BCAS3: variants seen among roughly 807,000 people sequenced by gnomAD.
The protein encoded by BCAS3 is BCAS3 microtubule associated cell migration factor.
Under a neutral mutation model 116.1 loss-of-function variants are expected in BCAS3, and 53 were observed. The ratio of observed to expected loss-of-function variants is 0.46; its 90% confidence interval spans 0.37 to 0.57. The LOEUF (loss-of-function observed/expected upper bound fraction) is 0.57, where lower values mean the gene tolerates loss of function less well. Among genes scored for constraint, BCAS3 ranks in the 20% least tolerant of loss-of-function variants. The pLI, the probability that BCAS3 is intolerant of heterozygous loss-of-function variation, is 0.00. For synonymous variants in BCAS3, 391 were observed against 408.2 expected (o/e 0.96, Z 0.51); for missense variants, 917 against 1,165.4 (o/e 0.79, Z 3.10).
intron 22 of BCAS3, among the ~76,000 whole-genome samples, chr17:61,268,915 T>A (rs558105021): frequency 1.1e-4 from 16 of 152,234 alleles, no homozygotes; most frequent in African/African-American, 3.8e-4. Flanking sequence ...TCAAGAGTCA[T>A]CCATGTTGTA....
At chr17:61,230,365 G>T (rs1237093483) in intron 22 of BCAS3, among the ~76,000 whole-genome samples, 2 of 151,972 alleles carry the variant, frequency 1.3e-5, no homozygotes, top group African/African-American at 4.8e-5. Context: ...TTAGATACGG[G>T]GGCACATGTG....
At chr17:61,266,965 A>G (rs986964454) in intron 22 of BCAS3, among the ~76,000 whole-genome samples, 1 of 152,202 alleles carries the variant, frequency 6.6e-6, no homozygotes, top group Non-Finnish European at 1.5e-5. Context: ...GGTACCCTCC[A>G]TACTTTCTTT....
chr17:60,975,249 C>T (rs1340485312), intron 14 of BCAS3, among the ~76,000 whole-genome samples: 4 of 152,078 alleles, frequency 2.6e-5, no homozygotes, highest in Non-Finnish European at 5.9e-5. Flanking sequence ...GATCCACCCG[C>T]CTCGGCCTCC....
chr17:61,365,011 C>T lies in BCAS3; in HGVS notation c.2426-3316C>T, dbSNP rs2058652070. ...TATACATGAACACACCTATTACATA[C>T]AGAACACTCACTGTGTGTCAGGTCT... On this transcript the variant is annotated intron_variant, in intron 22 of 23. Transcript: ENST00000407086. The surrounding 1 kb of genome is among the most constrained non-coding windows in gnomAD (Gnocchi z 4.6). 6.6e-6 allele frequency among the ~76,000 whole-genome samples: 1 copy of T among 152,208 alleles called. No homozygotes were observed. Among genetic ancestry groups the T allele is most frequent in the African/African-American group, 2.4e-5 (1 of 41,450 alleles).
At chr17:61,016,193 G>A (rs1568128185) in intron 16 of BCAS3, among the ~76,000 whole-genome samples, 1 of 152,176 alleles carries the variant, frequency 6.6e-6, no homozygotes, top group African/African-American at 2.4e-5. Flanking sequence ...ACTGCCTTGT[G>A]GCTTTGCCTG....
intron 15 of BCAS3, among the ~76,000 whole-genome samples, chr17:60,996,770 C>G (rs1003213575): frequency 9.9e-5 from 15 of 152,020 alleles, no homozygotes; most frequent in Non-Finnish European, 7.4e-5. Flanking sequence ...AGGACTGAGC[C>G]CTGGGGCCCT....
intron 22 of BCAS3, among the ~76,000 whole-genome samples, chr17:61,231,670 A>G (rs1390789006): frequency 6.6e-6 from 1 of 152,044 alleles, no homozygotes; most frequent in African/African-American, 2.4e-5. Context: ...TGAGCCCAGG[A>G]ATTTGAGATC....
chr17:61,195,335 A>G (rs2080413321), intron 22 of BCAS3, among the ~76,000 whole-genome samples: 1 of 152,100 alleles, frequency 6.6e-6, no homozygotes, highest in Non-Finnish European at 1.5e-5. Flanking sequence ...AACACTGTGC[A>G]TCTCTCCACC....
At chr17:61,070,243 A>C (rs750159058) in intron 19 of BCAS3, 81 of 1,525,142 alleles carry the variant, frequency 5.3e-5, no homozygotes, top group Admixed American at 1.3e-4. Context: ...GGCCAAGGTC[A>C]ACACCCTGAT....
intron 13 of BCAS3, among the ~76,000 whole-genome samples, chr17:60,924,829 AT>A (rs966630860): frequency 1.9e-4 from 28 of 147,396 alleles, no homozygotes; most frequent in African/African-American, 2.2e-4. Flanking sequence ...TATGAGCAGT[AT>A]TTTTTTTTTG....
In BCAS3 at chr17:61,377,771, A is replaced by T. The variant is rs2059406311; in HGVS notation, c.2593+9277A>T. On this transcript the variant is annotated intron_variant, in intron 23 of 23. Transcript: ENST00000407086. This position sits in a 1 kb window ranked among gnomAD's most constrained non-coding sequence, Gnocchi z 4.6. ...GTACGCCTAAGACTCTGCCTGCCAC[A>T]TAAATGTCCTCTAATTGTCAGAGCA... 1 of 152,236 alleles carries T rather than the reference A, an allele frequency of 6.6e-6. No individual in the cohort carries two copies. Among genetic ancestry groups the T allele is most frequent in the Non-Finnish European group, 1.5e-5 (1 of 68,044 alleles). 9.4% of individuals were successfully genotyped at this position (152,236 alleles called of 1,614,324 possible).
At position 61,276,355 on chromosome 17, in the gene BCAS3, A is replaced by G. The variant is rs1394738001; in HGVS notation, c.2426-91972A>G. ...GCTACAGGACGAGACTCCATCTCAAAAACAAACAAACAAACAAACAAAAAT... is the reference window on the plus strand; with the variant it reads ...GCTACAGGACGAGACTCCATCTCAAGAACAAACAAACAAACAAACAAAAAT... On this transcript the variant is annotated intron_variant, in intron 22 of 23. Transcript: ENST00000407086. The surrounding 1 kb of genome is among the most constrained non-coding windows in gnomAD (Gnocchi z 4.2). Among the ~76,000 whole-genome samples, 1 of 150,770 alleles carries G rather than the reference A, an allele frequency of 6.6e-6. No homozygotes were observed. The highest frequency in any genetic ancestry group is 2.5e-5 in the African/African-American group (1 of 40,108).
chr17:61,322,085 C>T (rs1199856538), intron 22 of BCAS3, among the ~76,000 whole-genome samples: 1 of 152,084 alleles, frequency 6.6e-6, no homozygotes, highest in Non-Finnish European at 1.5e-5. Context: ...AGGCATGCAC[C>T]ACCACGCCTG....
At chr17:60,898,443 A>G (rs1268032098) in intron 10 of BCAS3, among the ~76,000 whole-genome samples, 1 of 152,020 alleles carries the variant, frequency 6.6e-6, no homozygotes, top group African/African-American at 2.4e-5. Flanking sequence ...GCGGTAATGT[A>G]GTCTGATTTT....
chr17:61,136,623 G>A lies in BCAS3; in HGVS notation c.2425+52059G>A, dbSNP rs891838601. Reference sequence around the variant, plus strand: ...CGCCCAGGCTGGAGTGCAGTAGCGCGATCTCAGCTCACTGCAACCTCTGCC... The same window carrying A: ...CGCCCAGGCTGGAGTGCAGTAGCGCAATCTCAGCTCACTGCAACCTCTGCC... On this transcript the variant is annotated intron_variant, in intron 22 of 23. Transcript: ENST00000407086. The surrounding 1 kb of genome is among the most constrained non-coding windows in gnomAD (Gnocchi z 4.4). Among the ~76,000 whole-genome samples, 3 of 152,162 alleles carry A rather than the reference G, an allele frequency of 2.0e-5. No individual in the cohort carries two copies. The highest frequency in any genetic ancestry group is 2.9e-5 in the Non-Finnish European group (2 of 68,030).
chr17:60,890,684 AT>A (rs1191021556), intron 10 of BCAS3, among the ~76,000 whole-genome samples: 1 of 152,194 alleles, frequency 6.6e-6, no homozygotes, highest in Non-Finnish European at 1.5e-5. Flanking sequence ...GTAAATTTGA[AT>A]CTTCAAAAAG....
chr17:60,727,666 A>G (rs1026410720), intron 5 of BCAS3, among the ~76,000 whole-genome samples: 4 of 152,070 alleles, frequency 2.6e-5, no homozygotes, highest in Non-Finnish European at 5.9e-5. Flanking sequence ...CTGCCTCCAC[A>G]TCGTGCACAA....
chr17:61,268,018 A>G (rs4968545), intron 22 of BCAS3, among the ~76,000 whole-genome samples: 132,837 of 152,108 alleles, frequency 0.87, 59,010 homozygotes, highest in Non-Finnish European at 0.96. Flanking sequence ...GTGCCTAGAG[A>G]GAAACTGTTA....
At chr17:60,951,631 T>G (rs2060834359) in intron 14 of BCAS3, among the ~76,000 whole-genome samples, 1 of 152,202 alleles carries the variant, frequency 6.6e-6, no homozygotes, top group African/African-American at 2.4e-5. Context: ...ATGATTTTAC[T>G]TAACCTTACT....
Sources: allele counts gnomAD v4.1 joint callset (sites outside exome capture counted in the v4.1 genomes callset), GRCh38; gene constraint gnomAD v4.1.1; non-coding constraint Gnocchi (gnomAD v3.1); transcripts MANE v1.5; gene names NCBI Gene and HGNC (gene_info 2026-07-23, HGNC 2026-07-21).